Variants in KHDRBS2 observed in about 807,000 individuals in gnomAD.
The protein encoded by KHDRBS2 is KH domain-containing, RNA-binding, signal transduction-associated protein 2.
In KHDRBS2, 26 loss-of-function variants were observed where a neutral mutation model predicts 44.3. The observed-to-expected ratio is 0.59, with a 90% confidence interval of 0.43 to 0.81. The LOEUF is 0.81. Ranked by LOEUF, KHDRBS2 falls within the 40% of genes least tolerant of loss-of-function variation. The pLI is 0.00. For missense variants in KHDRBS2, 476 were observed against 433.1 expected, an observed-to-expected ratio of 1.10 and a Z score of -0.88; for synonymous variants, 194 against 151.1, an observed-to-expected ratio of 1.28 and a Z score of -2.08.
chr6:62,263,900 T>A (rs1316487661), intron 1 of KHDRBS2, among the ~76,000 whole-genome samples: 1 of 151,782 alleles, frequency 6.6e-6, no homozygotes, highest in Non-Finnish European at 1.5e-5. Flanking sequence ...TTCAGGGATA[T>A]CATTTTAACC....
chr6:62,022,196 T>TA (rs939333741), intron 3 of KHDRBS2, among the ~76,000 whole-genome samples: 38 of 151,570 alleles, frequency 2.5e-4, no homozygotes, highest in Non-Finnish European at 4.0e-4. Context: ...TAATTAAAAG[T>TA]AAAAAAATGT....
intron 4 of KHDRBS2, among the ~76,000 whole-genome samples, chr6:61,953,799 A>G (rs1381344657): frequency 6.6e-6 from 1 of 152,144 alleles, no homozygotes; most frequent in African/African-American, 2.4e-5. Flanking sequence ...GCAGCTTGAG[A>G]GAGAACAAAT....
At chr6:61,661,078 A>T in the KHDRBS2 span, among the ~76,000 whole-genome samples, 4 of 151,840 alleles carry the variant, frequency 2.6e-5, no homozygotes, top group African/African-American at 9.7e-5. Context: ...CCACATTACC[A>T]CTATGCTGCT....
At chr6:61,848,987 A>C (rs1348174619) in intron 6 of KHDRBS2, among the ~76,000 whole-genome samples, 1 of 152,050 alleles carries the variant, frequency 6.6e-6, no homozygotes, top group Admixed American at 6.6e-5. Context: ...GGGCAACACA[A>C]TCATTACATA....
At chr6:62,105,137 T>G (rs968348171) in intron 2 of KHDRBS2, among the ~76,000 whole-genome samples, 12 of 152,104 alleles carry the variant, frequency 7.9e-5, no homozygotes, top group African/African-American at 2.9e-4. Flanking sequence ...AGCTTTTAGT[T>G]AAACATTTTC....
intron 6 of KHDRBS2, among the ~76,000 whole-genome samples, chr6:61,796,959 C>A (rs1192767862): frequency 1.3e-5 from 2 of 151,894 alleles, no homozygotes; most frequent in Admixed American, 1.3e-4. Context: ...TTTTATGTTT[C>A]CATTTAAAAT....
chr6:61,842,683 C>T (rs1005652174), intron 6 of KHDRBS2, among the ~76,000 whole-genome samples: 2 of 152,176 alleles, frequency 1.3e-5, no homozygotes, highest in African/African-American at 4.8e-5. Flanking sequence ...AACAATCAGG[C>T]AGTTTCTCAA....
At chr6:61,690,545 T>C (rs1304548696) in intron 8 of KHDRBS2, among the ~76,000 whole-genome samples, 2 of 152,176 alleles carry the variant, frequency 1.3e-5, no homozygotes, top group Admixed American at 1.3e-4. Context: ...CTCTACCTGT[T>C]GGGTAAATTT....
chr6:61,905,621 A>G (rs1325434280), intron 4 of KHDRBS2, among the ~76,000 whole-genome samples: 7 of 152,220 alleles, frequency 4.6e-5, no homozygotes, highest in African/African-American at 1.7e-4. Context: ...ACTGTAAGAA[A>G]ACAGTAAAAT....
chr6:61,617,800 G>A, the KHDRBS2 span, among the ~76,000 whole-genome samples: 2 of 151,994 alleles, frequency 1.3e-5, no homozygotes, highest in African/African-American at 4.8e-5. Flanking sequence ...CTATGTCGAG[G>A]CACTAGGTAA....
intron 1 of KHDRBS2, among the ~76,000 whole-genome samples, chr6:62,235,621 C>T (rs1177937116): frequency 6.6e-6 from 1 of 151,884 alleles, no homozygotes; most frequent in Non-Finnish European, 1.5e-5. Context: ...ATTTCCCTGA[C>T]AATTTGATGT....
chr6:61,656,841 AAC>A, the KHDRBS2 span, among the ~76,000 whole-genome samples: 1 of 151,958 alleles, frequency 6.6e-6, no homozygotes, highest in Non-Finnish European at 1.5e-5. Context: ...ACATTCCTAA[AAC>A]AGAAATTCTT....
At chr6:62,229,408 C>A (rs1197196630) in intron 1 of KHDRBS2, among the ~76,000 whole-genome samples, 1 of 152,172 alleles carries the variant, frequency 6.6e-6, no homozygotes, top group East Asian at 1.9e-4. Context: ...ATGGCTGCTG[C>A]CCTTCCCCCG....
At chr6:62,102,860 G>T (rs1802218365) in intron 2 of KHDRBS2, among the ~76,000 whole-genome samples, 1 of 152,126 alleles carries the variant, frequency 6.6e-6, no homozygotes, top group African/African-American at 2.4e-5. Flanking sequence ...CACAATGTTT[G>T]GTGGGTCCCA....
At chr6:62,217,917 C>A (rs546357257) in intron 1 of KHDRBS2, among the ~76,000 whole-genome samples, 1 of 151,674 alleles carries the variant, frequency 6.6e-6, no homozygotes, top group Non-Finnish European at 1.5e-5. Context: ...TTGAACCAAT[C>A]CTTCAAATTG....
chr6:62,025,717 A>T (rs1034442859), intron 3 of KHDRBS2, among the ~76,000 whole-genome samples: 1 of 151,948 alleles, frequency 6.6e-6, no homozygotes, highest in African/African-American at 2.4e-5. Flanking sequence ...TAAGACTCTT[A>T]ACTTTTATGT....
At chr6:61,576,409 C>T in the KHDRBS2 span, among the ~76,000 whole-genome samples, 1 of 152,028 alleles carries the variant, frequency 6.6e-6, no homozygotes, top group Admixed American at 6.6e-5. Context: ...CATAGAAATG[C>T]TACAGATTTT....
intron 2 of KHDRBS2, among the ~76,000 whole-genome samples, chr6:62,134,305 A>G (rs561019701): frequency 6.6e-6 from 1 of 152,272 alleles, no homozygotes; most frequent in African/African-American, 2.4e-5. Flanking sequence ...GAGGGTGCCA[A>G]GTCTTGGCAG....
At chr6:61,639,409 T>G in the KHDRBS2 span, among the ~76,000 whole-genome samples, 1 of 152,060 alleles carries the variant, frequency 6.6e-6, no homozygotes, top group Non-Finnish European at 1.5e-5. Flanking sequence ...TTTTCCCTCT[T>G]AAAATCTATA....
Sources: gnomAD v4.1 joint callset for allele counts (sites outside exome capture counted in the v4.1 genomes callset) on GRCh38, gnomAD v4.1.1 for gene constraint, MANE v1.5 for transcripts, NCBI Gene and HGNC (gene_info 2026-07-23, HGNC 2026-07-21) for gene names.